Variants in MICAL1 observed in about 807,000 individuals in gnomAD.
The protein encoded by MICAL1 is microtubule associated monooxygenase, calponin and LIM domain containing 1, also known as [F-actin]-monooxygenase MICAL1.
MICAL1 carries 95 observed loss-of-function variants against 131.8 expected under a neutral mutation model. That is an observed-to-expected ratio of 0.72 (90% CI 0.61 to 0.86). The LOEUF (loss-of-function observed/expected upper bound fraction) is 0.86, where lower values mean the gene tolerates loss of function less well. MICAL1 is among the 40% of genes least tolerant of loss of function. The pLI, the probability that MICAL1 is intolerant of heterozygous loss-of-function variation, is 0.00. For missense variants in MICAL1, 1,292 were observed against 1,380.6 expected (o/e 0.94, Z 1.02); for synonymous variants, 546 against 554.2 (o/e 0.99, Z 0.21).
rs752661565 is a variant in MICAL1, at chr6:109,447,240, C to T, written c.2071-11G>A. The T allele has an allele frequency of 1.1e-5, 18 of 1,613,950 alleles. No homozygotes were observed. The South Asian group carries it at 1.8e-4, about 16-fold the overall frequency. Reference sequence around the variant, plus strand: ...GTCCCCAGCACCGGCCTGCGTGGACCCCCAGGACACAGGGTCAGGTGGAGC... The same window carrying T: ...GTCCCCAGCACCGGCCTGCGTGGACTCCCAGGACACAGGGTCAGGTGGAGC... On this transcript the variant is annotated splice_polypyrimidine_tract_variant and intron_variant, in intron 16 of 24. Transcript: ENST00000358807.
In MICAL1 at chr6:109,447,352, C is replaced by G. The variant is rs1775275778; in HGVS notation, c.2070+5G>C. ...CTCTGCCTGCACACAAAGCCTGGCT[C>G]TCACCTCCTGGTGTTGGGATGGGGG... is the stretch of plus-strand genomic sequence containing the variant. On this transcript the variant is annotated splice_donor_5th_base_variant and intron_variant, in intron 16 of 24. Coordinates refer to ENST00000358807, the MANE Select transcript of MICAL1 (RefSeq NM_022765.4). 3 of 1,613,850 alleles carry G rather than the reference C, an allele frequency of 1.9e-6. No individual in the cohort carries two copies. Among genetic ancestry groups the G allele is most frequent in the South Asian group, 1.1e-5 (1 of 91,062 alleles).
At position 109,448,748 on chromosome 6, in the gene MICAL1, G is replaced by A; in HGVS notation, c.1648C>T (p.Leu550=). The change falls in exon 12 of 25, where the codon CTG becomes TTG. Residue 550 remains leucine (L), a synonymous_variant. Coordinates refer to ENST00000358807, the MANE Select transcript of MICAL1 (RefSeq NM_022765.4). ...GLALCALVYR[L]QPGLLEPSEL... Reference sequence around the variant, plus strand: ...GGGACTCACAGCAGGCCAGGCTGCAGCCGGTACACCAGGGCACACAGAGCT... The same window carrying A: ...GGGACTCACAGCAGGCCAGGCTGCAACCGGTACACCAGGGCACACAGAGCT... The A allele has an allele frequency of 6.2e-7, 1 of 1,614,078 alleles. No individual in the cohort carries two copies. Among genetic ancestry groups the A allele is most frequent in the Non-Finnish European group, 8.5e-7 (1 of 1,179,974 alleles).
At chr6:109,453,187 G>C (rs1169274588) in intron 4 of MICAL1, 76 bp downstream of exon 4, 28 of 1,191,632 alleles carry the variant, frequency 2.3e-5, no homozygotes, top group Non-Finnish European at 3.5e-5. Flanking sequence ...GGACACTCCT[G>C]GCCCATCCTT....
At chr6:109,461,015 T>TTG (rs774507190) in intron 1 of MICAL1, among the ~76,000 whole-genome samples, 31 of 152,280 alleles carry the variant, frequency 2.0e-4, no homozygotes, top group Non-Finnish European at 3.7e-4. Context: ...AACATGCAGG[T>TTG]TACATAGGTA....
chr6:109,459,143 G>A (rs1043622037), upstream of MICAL1, among the ~76,000 whole-genome samples: 1 of 152,184 alleles, frequency 6.6e-6, no homozygotes, highest in African/African-American at 2.4e-5. Context: ...GGAAGTTGGA[G>A]ATTTTATTCT....
chr6:109,446,835 C>G (rs1775248685), intron 17 of MICAL1, 63 bp from the exon 18 acceptor site: 1 of 1,483,368 alleles, frequency 6.7e-7, no homozygotes, highest in African/African-American at 1.4e-5. Context: ...AGACACGCAA[C>G]AGTTTATGAA....
intron 8 of MICAL1, 25 bp from the exon 9 acceptor site, chr6:109,450,110 C>T: frequency 6.2e-7 from 1 of 1,607,346 alleles, no homozygotes; most frequent in Non-Finnish European, 8.5e-7. Context: ...GAATAGGAAG[C>T]AGCTCAGGGA....
At chr6:109,450,759 C>T (rs573356689) in intron 7 of MICAL1, among the ~76,000 whole-genome samples, 13 of 152,304 alleles carry the variant, frequency 8.5e-5, no homozygotes, top group African/African-American at 2.9e-4. Flanking sequence ...TCAACATTCA[C>T]CCTGCTGCTG....
upstream of MICAL1, among the ~76,000 whole-genome samples, chr6:109,458,593 T>C (rs1437507119): frequency 1.3e-5 from 2 of 151,786 alleles, no homozygotes; most frequent in Non-Finnish European, 2.9e-5. Context: ...TGAAACTCCG[T>C]CCAAAAAAAG....
At chr6:109,454,622 C>T in intron 1 of MICAL1, 1 of 239,650 alleles carries the variant, frequency 4.2e-6, no homozygotes, top group Non-Finnish European at 8.3e-6. Flanking sequence ...GACAGAGCTG[C>T]CTTTGCATGC....
chr6:109,448,695 A>G (rs776034347), intron 12 of MICAL1, 37 bp downstream of exon 12: 1 of 1,611,662 alleles, frequency 6.2e-7, no homozygotes. Context: ...TCCTACACTG[A>G]GATCATGAGA....
At position 109,445,823 on chromosome 6, in the gene MICAL1, A is replaced by T. The variant is rs1219837301; in HGVS notation, c.2621T>A (p.Phe874Tyr). The T allele has an allele frequency of 6.2e-7, 1 of 1,610,864 alleles. No individual in the cohort carries two copies. The highest frequency in any genetic ancestry group is 1.3e-5 in the African/African-American group (1 of 74,828). Residue 874 changes from phenylalanine (F) to tyrosine (Y), a missense_variant, in exon 20 of 25, where the codon TTC becomes TAC. Transcript: ENST00000358807. Reference sequence around the variant, plus strand: ...ATCTTCTTCTTCCTCTTCACTGGAGAAGGGACTCTCTTTTTCCTCCTTCTC... The same window carrying T: ...ATCTTCTTCTTCCTCTTCACTGGAGTAGGGACTCTCTTTTTCCTCCTTCTC... ...AMEKEEKESP[F>Y]SSEEEEEDVP... is the part of the protein sequence containing the mutation.
chr6:109,464,826 G>A (rs1775994764), intron 1 of MICAL1: 1 of 152,118 alleles, frequency 6.6e-6, no homozygotes, highest in Non-Finnish European at 1.5e-5. Flanking sequence ...AAGATTAGGA[G>A]AAGATATTCA....
At chr6:109,448,457 G>A (rs1775347339) in intron 12 of MICAL1, 64 bp from the exon 13 acceptor site, 4 of 1,574,840 alleles carry the variant, frequency 2.5e-6, no homozygotes, top group Non-Finnish European at 3.5e-6. Flanking sequence ...AGGGGAGGAA[G>A]GGCAGCAGGA....
At position 109,452,405 on chromosome 6, in the gene MICAL1, G is replaced by C; in HGVS notation, c.677-4C>G. ...CGCATTTCTCGAACTTTGAAGCCTA[G>C]AGGTGGCGGTAGGTGAACAATGGCA... On this transcript the variant is annotated splice_region_variant and splice_polypyrimidine_tract_variant and intron_variant, in intron 5 of 24. Transcript: ENST00000358807. 6.2e-7 allele frequency: 1 copy of C among 1,613,912 alleles called. No homozygotes were observed. The highest frequency in any genetic ancestry group is 8.5e-7 in the Non-Finnish European group (1 of 1,179,800).
intron 12 of MICAL1, 32 bp from the exon 13 acceptor site, chr6:109,448,425 A>C: frequency 6.2e-7 from 1 of 1,609,192 alleles, no homozygotes; most frequent in Non-Finnish European, 8.5e-7. Flanking sequence ...AGCCAACTAG[A>C]GACAAGAACC....
Position 109,448,192 on chromosome 6 carries a change from C to T in MICAL1, c.1855+11G>A, listed in dbSNP as rs376290036. On this transcript the variant is annotated intron_variant, in intron 13 of 24. Transcript: ENST00000358807. ...ATCCCAGTTATCCTGCCCGCCTTTC[C>T]TTCAGGTCACCTGGGCTGTGGGCCA... The T allele has an allele frequency of 1.9e-6, 3 of 1,581,896 alleles. No individual in the cohort carries two copies. The highest frequency in any genetic ancestry group is 1.5e-5 in the African/African-American group (1 of 68,178).
chr6:109,450,361 C>T lies in MICAL1; in HGVS notation c.1130G>A (p.Arg377His), dbSNP rs764182210. The T allele has an allele frequency of 1.4e-5, 23 of 1,611,966 alleles. No homozygotes were observed. Among genetic ancestry groups the T allele is most frequent in the South Asian group, 3.3e-5 (3 of 91,068 alleles). Residue 377 changes from arginine to histidine, a missense_variant, in exon 8 of 25, where the codon CGT (arginine) becomes CAT (histidine). Coordinates refer to ENST00000358807, the MANE Select transcript of MICAL1 (RefSeq NM_022765.4). ...TSMMRAESSA[R>H]VQEKHGARLL... Reference sequence around the variant, plus strand: ...GCGGGCGCCATGCTTCTCTTGCACACGAGCAGAACTCTCTGCCCGCATCAT... The same window carrying T: ...GCGGGCGCCATGCTTCTCTTGCACATGAGCAGAACTCTCTGCCCGCATCAT...
In MICAL1 at chr6:109,449,451, C is replaced by G. The variant is rs1239006111; in HGVS notation, c.1465G>C (p.Glu489Gln). The G allele has an allele frequency of 2.5e-6, 4 of 1,614,116 alleles. No homozygotes were observed. The African/African-American group carries it at 5.3e-5, about 22-fold the overall frequency. Residue 489 changes from glutamate (E) to glutamine (Q), a missense_variant, in exon 11 of 25, where the codon GAG becomes CAG. Physicochemically the swap from Glu to Gln is conservative, Grantham distance 29. Coordinates refer to ENST00000358807, the MANE Select transcript of MICAL1 (RefSeq NM_022765.4). Reference sequence around the variant, plus strand: ...TTGTCGTTGTTCCTCTGCACAGGCTCCTTGGCTAGCACATCATACAGGTCT... The same window carrying G: ...TTGTCGTTGTTCCTCTGCACAGGCTGCTTGGCTAGCACATCATACAGGTCT... ...VRDLYDVLAK[E>Q]PVQRNNDKTD...
Sources: gnomAD v4.1 joint callset for allele counts (sites outside exome capture counted in the v4.1 genomes callset) on GRCh38, gnomAD v4.1.1 for gene constraint, MANE v1.5 for transcripts, NCBI Gene and HGNC (gene_info 2026-07-23, HGNC 2026-07-21) for gene names.